BICD1: variants seen among roughly 807,000 people sequenced by gnomAD.
BICD1 encodes the protein protein bicaudal D homolog 1.
Under a neutral mutation model 92.5 loss-of-function variants are expected in BICD1, and 35 were observed. The ratio of observed to expected loss-of-function variants is 0.38; its 90% CI spans 0.29 to 0.50. The LOEUF (loss-of-function observed/expected upper bound fraction) is 0.50. Ranked by LOEUF, BICD1 falls within the 20% of genes least tolerant of loss-of-function variation. The probability of loss-of-function intolerance (pLI) is 0.93; values close to 1 mark genes in which losing one functional copy is unlikely to be tolerated. For missense variants in BICD1, 950 were observed against 1,189.8 expected, an observed-to-expected ratio of 0.80 and a Z score of 2.97; for synonymous variants, 429 against 465.1, an observed-to-expected ratio of 0.92 and a Z score of 1.00.
intron 3 of BICD1, among the ~76,000 whole-genome samples, chr12:32,297,796 A>G (rs944933935): frequency 1.9e-5 from 2 of 104,284 alleles, no homozygotes; most frequent in African/African-American, 7.2e-5. Flanking sequence ...TACTTTCTAT[A>G]AAGAGTCTAT....
At chr12:32,261,402 A>T (rs1368350241) in intron 2 of BICD1, among the ~76,000 whole-genome samples, 1 of 152,128 alleles carries the variant, frequency 6.6e-6, no homozygotes, top group Non-Finnish European at 1.5e-5. Context: ...CCTTCTGCTC[A>T]GGTCTTTGTG....
chr12:32,244,070 ATTC>A (rs1946307250), intron 2 of BICD1, among the ~76,000 whole-genome samples: 1 of 152,166 alleles, frequency 6.6e-6, no homozygotes, highest in Non-Finnish European at 1.5e-5. Flanking sequence ...AAGAAGACTC[ATTC>A]TTTATCTGCT....
At chr12:32,118,091 A>ATTTTATTTTATTTTATTATTATTAT (rs1555126592) in intron 1 of BICD1, among the ~76,000 whole-genome samples, 1 of 46,832 alleles carries the variant, frequency 2.1e-5, no homozygotes, top group African/African-American at 6.7e-5. Context: ...TATTTTATTT[A>ATTTTATTTTATTTTATTATTATTAT]TTTTTTTTGA....
intron 2 of BICD1, among the ~76,000 whole-genome samples, chr12:32,237,201 A>C (rs1055152584): frequency 6.6e-6 from 1 of 152,184 alleles, no homozygotes; most frequent in Non-Finnish European, 1.5e-5. Flanking sequence ...ATTCAGAGCA[A>C]GGCCCTAACT....
At chr12:32,268,057 C>G (rs989394068) in intron 2 of BICD1, among the ~76,000 whole-genome samples, 1 of 152,214 alleles carries the variant, frequency 6.6e-6, no homozygotes, top group Non-Finnish European at 1.5e-5. Flanking sequence ...CTCAGTGTCC[C>G]AAAGCACTGG....
intron 1 of BICD1, among the ~76,000 whole-genome samples, chr12:32,130,227 T>G (rs1942492891): frequency 6.6e-6 from 1 of 151,152 alleles, no homozygotes; most frequent in African/African-American, 2.4e-5. Flanking sequence ...TTTTTTGAGA[T>G]GGAGTCTCGC....
chr12:32,316,342 G>A (rs2136235972), intron 4 of BICD1, among the ~76,000 whole-genome samples: 1 of 151,254 alleles, frequency 6.6e-6, no homozygotes, highest in Admixed American at 6.6e-5. Context: ...TCAGGCTGGA[G>A]TACAGTGGCA....
chr12:32,355,939 A>T (rs949631683), intron 8 of BICD1, among the ~76,000 whole-genome samples: 1 of 152,222 alleles, frequency 6.6e-6, no homozygotes, highest in Non-Finnish European at 1.5e-5. Flanking sequence ...AGACAAGAGC[A>T]TTTCCGATGA....
intron 1 of BICD1, among the ~76,000 whole-genome samples, chr12:32,117,531 C>G (rs1031627040): frequency 6.6e-6 from 1 of 151,796 alleles, no homozygotes; most frequent in Non-Finnish European, 1.5e-5. Flanking sequence ...ATGAGTGTAT[C>G]TCTAAATTTG....
intron 4 of BICD1, among the ~76,000 whole-genome samples, chr12:32,320,165 G>A (rs1948611753): frequency 6.6e-6 from 1 of 152,166 alleles, no homozygotes; most frequent in African/African-American, 2.4e-5. Context: ...TCGATGCTAT[G>A]TATACTGTTA....
At chr12:32,284,320 A>C (rs1302256277) in intron 2 of BICD1, among the ~76,000 whole-genome samples, 1 of 152,304 alleles carries the variant, frequency 6.6e-6, no homozygotes, top group South Asian at 2.1e-4. Context: ...TTTGACTATC[A>C]AAAGTAACAC....
chr12:32,296,483 T>C (rs910578828), intron 3 of BICD1, among the ~76,000 whole-genome samples: 2 of 151,860 alleles, frequency 1.3e-5, no homozygotes, highest in East Asian at 3.9e-4. Context: ...GGTCTCGATC[T>C]CCTGACCTCA....
At chr12:32,305,533 A>G (rs1011836623) in intron 3 of BICD1, among the ~76,000 whole-genome samples, 164 bp from the exon 4 acceptor site, 7 of 151,746 alleles carry the variant, frequency 4.6e-5, no homozygotes, top group African/African-American at 1.7e-4. Context: ...TTCTAAAGAA[A>G]CTATCCTATA....
intron 1 of BICD1, among the ~76,000 whole-genome samples, chr12:32,181,350 G>T (rs1215475261): frequency 6.6e-6 from 1 of 151,560 alleles, no homozygotes; most frequent in Non-Finnish European, 1.5e-5. Flanking sequence ...GACCTGGGAG[G>T]CAGAGGTTGC....
intron 9 of BICD1, among the ~76,000 whole-genome samples, chr12:32,369,614 A>G (rs1470326239): frequency 6.6e-6 from 1 of 152,236 alleles, no homozygotes; most frequent in Non-Finnish European, 1.5e-5. Flanking sequence ...ATTATTGGCC[A>G]GGTGTGGTGG....
chr12:32,230,443 T>TGC (rs1945847455), intron 2 of BICD1, among the ~76,000 whole-genome samples: 2 of 35,142 alleles, frequency 5.7e-5, no homozygotes, highest in African/African-American at 1.2e-4. Context: ...AATAAATAAA[T>TGC]AAGCAAGCAA....
In BICD1 at chr12:32,107,524, G is replaced by A; in HGVS notation, c.193G>A (p.Glu65Lys). ...LEAEYDSLKQ[E>K]LEQLKEAFGQ... Reference sequence around the variant, plus strand: ...GGCTGAGTACGACAGCCTCAAACAGGAGCTGGAGCAGCTCAAAGAGGTGAG... The same window carrying A: ...GGCTGAGTACGACAGCCTCAAACAGAAGCTGGAGCAGCTCAAAGAGGTGAG... The change falls in exon 1 of 10, where the codon GAG (glutamate) becomes AAG (lysine). Residue 65 changes from glutamate (E) to lysine (K), a missense_variant. Transcript: ENST00000652176. 6.3e-7 allele frequency: 1 copy of A among 1,595,740 alleles called. No individual in the cohort carries two copies.
intron 1 of BICD1, among the ~76,000 whole-genome samples, chr12:32,163,611 A>T (rs545626710): frequency 1.3e-5 from 2 of 152,316 alleles, no homozygotes; most frequent in South Asian, 4.1e-4. Flanking sequence ...TTCTTGGAAA[A>T]CATTTTAATG....
chr12:32,328,788 C>T lies in BICD1; in HGVS notation c.2100+233C>T, dbSNP rs957860136. On this transcript the variant is annotated intron_variant, in intron 5 of 9. Coordinates refer to ENST00000652176, the MANE Select transcript of BICD1 (RefSeq NM_001714.4). This position sits in a 1 kb window ranked among gnomAD's most constrained non-coding sequence, Gnocchi z 4.4. ...AGAGGTGAGGAACTTAAAGCAGGAA[C>T]ACAGGAGAAGATCTAGATGCCTTTC... 6.6e-6 allele frequency among the ~76,000 whole-genome samples: 1 copy of T among 152,118 alleles called. No homozygotes were observed. Among genetic ancestry groups the T allele is most frequent in the Admixed American group, 6.5e-5 (1 of 15,280 alleles).
Sources: allele counts gnomAD v4.1 joint callset (sites outside exome capture counted in the v4.1 genomes callset), GRCh38; gene constraint gnomAD v4.1.1; non-coding constraint Gnocchi (gnomAD v3.1); transcripts MANE v1.5; gene names NCBI Gene and HGNC (gene_info 2026-07-23, HGNC 2026-07-21).